USP8: variants seen among roughly 807,000 people sequenced by gnomAD.
USP8 encodes the protein ubiquitin carboxyl-terminal hydrolase 8.
USP8 carries 27 observed loss-of-function variants against 130.0 expected under a neutral mutation model. That is an observed-to-expected ratio of 0.21 (90% CI 0.15 to 0.29). The LOEUF is 0.29. Among genes scored for constraint, USP8 ranks in the 10% least tolerant of loss-of-function variants. USP8 has a pLI of 1.00. For missense variants in USP8, 1,029 were observed against 1,312.2 expected (o/e 0.78, Z 3.33); for synonymous variants, 392 against 444.1 (o/e 0.88, Z 1.48).
chr15:50,495,159 T>G (rs2052327744), intron 16 of USP8, among the ~76,000 whole-genome samples: 1 of 151,988 alleles, frequency 6.6e-6, no homozygotes, highest in African/African-American at 2.4e-5. Context: ...TCTCACATAT[T>G]TTGGGGTCAC....
At position 50,509,236 on chromosome 15, in the gene USP8, G is replaced by C. The variant is rs1455281438; in HGVS notation, c.*10148G>C. On this transcript the variant is annotated 3_prime_UTR_variant, in exon 20 of 20. Transcript: ENST00000307179. The stretch of plus-strand genomic sequence containing the variant: ...GGAGGCTGAGGTGGGAGGATGGCTC[G>C]AGCCTGGGAGGCAGAGGTTGCAGTG... 6.6e-6 allele frequency: 1 copy of C among 151,898 alleles called. No individual in the cohort carries two copies. The highest frequency in any genetic ancestry group is 1.5e-5 in the Non-Finnish European group (1 of 68,308). The allele number at this position is 151,898 out of a possible 1,614,324, so 9.4% of individuals were successfully genotyped here. A position where few individuals can be genotyped will look rare whatever the true frequency, so the allele number is the denominator to read the frequency against.
rs750843415 is a variant in USP8 at position 50,477,371 on chromosome 15, T to C, written c.1090T>C (p.Leu364=). 22 of 1,614,012 alleles carry C rather than the reference T, an allele frequency of 1.4e-5. No individual in the cohort carries two copies. Among genetic ancestry groups the C allele is most frequent in the Non-Finnish European group, 1.8e-5 (21 of 1,180,030 alleles). ...ASIEVDENIE[L]ISGQNERMGP... ...TATAGAAGTAGATGAAAATATAGAA[T>C]TGATAAGTGGTCAAAATGAGAGAAT... Residue 364 remains leucine (L), a synonymous_variant, in exon 10 of 20, where the codon TTG becomes CTG. Transcript: ENST00000307179.
At position 50,477,308 on chromosome 15, in the gene USP8, A is replaced by G. The variant is rs754644935; in HGVS notation, c.1027A>G (p.Ile343Val). ...TACTTATCCCTCATTGGAAGAATCAATTCCTTCTAAACCTGCTGCCCAGAC... is the reference window on the plus strand; with the variant it reads ...TACTTATCCCTCATTGGAAGAATCAGTTCCTTCTAAACCTGCTGCCCAGAC... The part of the protein sequence containing the change: ...DFTYPSLEES[I>V]PSKPAAQTPP... Residue 343 changes from isoleucine (I) to valine (V), a missense_variant, in exon 10 of 20, where the codon ATT becomes GTT. Transcript: ENST00000307179. 1.5e-5 allele frequency: 25 copies of G among 1,613,292 alleles called. No homozygotes were observed. Among genetic ancestry groups the G allele is most frequent in the Non-Finnish European group, 1.7e-5 (20 of 1,179,874 alleles).
intron 3 of USP8, among the ~76,000 whole-genome samples, chr15:50,443,364 G>T (rs2050321720): frequency 6.6e-6 from 1 of 151,868 alleles, no homozygotes; most frequent in Non-Finnish European, 1.5e-5. Context: ...TTTATTTTTA[G>T]AGGAGTGTGA....
chr15:50,441,514 G>T, intron 3 of USP8, 21 bp downstream of exon 3: 1 of 1,528,218 alleles, frequency 6.5e-7, no homozygotes, highest in Non-Finnish European at 8.7e-7. Context: ...TTTTTGCATT[G>T]TTATTTCCTA....
intron 8 of USP8, among the ~76,000 whole-genome samples, chr15:50,476,542 C>CTA (rs2051573308): frequency 6.6e-6 from 1 of 152,146 alleles, no homozygotes; most frequent in African/African-American, 2.4e-5. Context: ...TGAAAACTCT[C>CTA]TATAAGAGTA....
rs979868491 is a variant in USP8, at chr15:50,503,902, G to A, written c.*4814G>A. 1 of 151,792 alleles carries A rather than the reference G, an allele frequency of 6.6e-6. No homozygotes were observed. Among genetic ancestry groups the A allele is most frequent in the East Asian group, 1.9e-4 (1 of 5,174 alleles). 9.4% of individuals were successfully genotyped at this position (151,792 alleles called of 1,614,324 possible). ...AAGGCAATAAGATTTAAACCCCCAAGGACTTTAGATAATAGAATTATTAAG... is the reference window on the plus strand; with the variant it reads ...AAGGCAATAAGATTTAAACCCCCAAAGACTTTAGATAATAGAATTATTAAG... On this transcript the variant is annotated 3_prime_UTR_variant, in exon 20 of 20. Transcript: ENST00000307179.
chr15:50,498,549 C>G, intron 18 of USP8, 47 bp from the exon 19 acceptor site: 2 of 1,542,426 alleles, frequency 1.3e-6, no homozygotes, highest in Middle Eastern at 4.8e-4. Context: ...GAGGATTCAT[C>G]CTGGTATCTT....
chr15:50,436,095 A>G (rs2050082746), intron 1 of USP8, among the ~76,000 whole-genome samples: 1 of 152,006 alleles, frequency 6.6e-6, no homozygotes, highest in South Asian at 2.1e-4. Flanking sequence ...CTTAGTTTTA[A>G]TCACTTACCT....
chr15:50,426,317 A>G (rs576333684), intron 1 of USP8, among the ~76,000 whole-genome samples: 2 of 152,356 alleles, frequency 1.3e-5, no homozygotes, highest in African/African-American at 4.8e-5. Flanking sequence ...ATGTGTTGCT[A>G]ATAAAATTAG....
intron 3 of USP8, among the ~76,000 whole-genome samples, chr15:50,442,915 G>A (rs78203651): frequency 0.032 from 4,887 of 152,288 alleles, 258 homozygotes; most frequent in African/African-American, 0.11. Flanking sequence ...ACCTGGTAGA[G>A]AAGCCACCCT....
chr15:50,480,667 C>T (rs977367861), intron 10 of USP8, among the ~76,000 whole-genome samples: 10 of 152,144 alleles, frequency 6.6e-5, no homozygotes, highest in Admixed American at 2.0e-4. Context: ...CTGGTATACA[C>T]AGCCATATGA....
intron 5 of USP8, among the ~76,000 whole-genome samples, chr15:50,459,572 A>G (rs1371479688): frequency 6.6e-6 from 1 of 152,148 alleles, no homozygotes; most frequent in Non-Finnish European, 1.5e-5. Flanking sequence ...CAACAGAGCA[A>G]CACTCTTGTC....
At chr15:50,477,592 C>T (rs2051610791) in intron 10 of USP8, 93 bp downstream of exon 10, 1 of 1,212,660 alleles carries the variant, frequency 8.2e-7, no homozygotes, top group Non-Finnish European at 1.1e-6. Context: ...GTAATCCCAG[C>T]ACTTTGGGAG....
intron 10 of USP8, among the ~76,000 whole-genome samples, chr15:50,479,722 A>G (rs1026217886): frequency 2.0e-5 from 3 of 151,798 alleles, no homozygotes; most frequent in African/African-American, 7.2e-5. Flanking sequence ...AGTGAACAGG[A>G]AAAAAATTAT....
intron 7 of USP8, among the ~76,000 whole-genome samples, chr15:50,469,896 A>C (rs1213046770): frequency 6.9e-6 from 1 of 144,798 alleles, no homozygotes; most frequent in Non-Finnish European, 1.5e-5. Context: ...CAGTGGCGTG[A>C]TCTCGGCTCA....
At chr15:50,485,198 C>T (rs1003299956) in intron 12 of USP8, among the ~76,000 whole-genome samples, 1 of 152,042 alleles carries the variant, frequency 6.6e-6, no homozygotes, top group African/African-American at 2.4e-5. Flanking sequence ...AGCGGTGGCT[C>T]ACGCTTGTAA....
At chr15:50,439,715 G>A (rs900790173) in intron 2 of USP8, among the ~76,000 whole-genome samples, 29 of 151,582 alleles carry the variant, frequency 1.9e-4, no homozygotes, top group Non-Finnish European at 3.7e-4. Flanking sequence ...GCTTGAACCC[G>A]GGAGGCGGAG....
chr15:50,452,008 C>T (rs546306560), intron 4 of USP8, among the ~76,000 whole-genome samples: 7 of 152,338 alleles, frequency 4.6e-5, no homozygotes, highest in Admixed American at 4.6e-4. Context: ...GGTCCGTGGC[C>T]TGCTGGCCCC....
Sources: gnomAD v4.1 joint callset for allele counts (sites outside exome capture counted in the v4.1 genomes callset) on GRCh38, gnomAD v4.1.1 for gene constraint, MANE v1.5 for transcripts, NCBI Gene and HGNC (gene_info 2026-07-23, HGNC 2026-07-21) for gene names.